The following SLC4A7 variants were observed in gnomAD, a reference collection of about 807,000 sequenced individuals.
SLC4A7 encodes solute carrier family 4 member 7.
Under a neutral mutation model 137.6 loss-of-function variants are expected in SLC4A7, and 51 were observed. The observed-to-expected ratio is 0.37, with a 90% CI of 0.30 to 0.47. The LOEUF (loss-of-function observed/expected upper bound fraction) is 0.47, where lower values mean the gene tolerates loss of function less well. Ranked by LOEUF, SLC4A7 falls within the 20% of genes least tolerant of loss-of-function variation. The probability of loss-of-function intolerance (pLI) is 1.00; values close to 1 mark genes in which losing one functional copy is unlikely to be tolerated. For missense variants in SLC4A7, 1,247 were observed against 1,525.4 expected, an observed-to-expected ratio of 0.82 and a Z score of 3.04; for synonymous variants, 542 against 518.6, an observed-to-expected ratio of 1.05 and a Z score of -0.61.
At chr3:27,446,427 A>T (rs1350763448) in intron 3 of SLC4A7, among the ~76,000 whole-genome samples, 1 of 152,172 alleles carries the variant, frequency 6.6e-6, no homozygotes, top group Non-Finnish European at 1.5e-5. Flanking sequence ...AGGAATAGTT[A>T]TTCCTTTGAA....
intron 1 of SLC4A7, among the ~76,000 whole-genome samples, chr3:27,466,275 C>T (rs1319177907): frequency 6.6e-6 from 1 of 151,170 alleles, no homozygotes; most frequent in Non-Finnish European, 1.5e-5. Context: ...CACGGTGAAA[C>T]CCCGTCTCTA....
chr3:27,457,919 G>C (rs2058496179), intron 1 of SLC4A7, among the ~76,000 whole-genome samples: 1 of 152,074 alleles, frequency 6.6e-6, no homozygotes, highest in South Asian at 2.1e-4. Context: ...TTTTCTTGAA[G>C]TGACAAGTTC....
chr3:27,397,713 G>C lies in SLC4A7; in HGVS notation c.2674C>G (p.Pro892Ala). 6.2e-7 allele frequency: 1 copy of C among 1,602,724 alleles called. No homozygotes were observed. The highest frequency in any genetic ancestry group is 8.5e-7 in the Non-Finnish European group (1 of 1,172,152). Residue 892 changes from proline to alanine, a missense_variant, in exon 18 of 26, where the codon CCT (proline) becomes GCT (alanine). Around this residue, in one of 6 missense-constraint regions of SLC4A7, gnomAD observed 499 missense variants for 664.2 expected, o/e 0.75. Transcript: ENST00000454389. The part of the protein sequence containing the change: ...TIDYLVGVPS[P>A]KLHVPEKFEP... The stretch of plus-strand genomic sequence containing the variant: ...AATTTTTCAGGAACATGAAGTTTAG[G>C]AGATGGAACTCCTACAAGGTAGTCA...
At chr3:27,446,613 T>C (rs1433959599) in intron 3 of SLC4A7, among the ~76,000 whole-genome samples, 1 of 152,160 alleles carries the variant, frequency 6.6e-6, no homozygotes. Flanking sequence ...TTTTACTCAG[T>C]ATGAATTAGA....
intron 5 of SLC4A7, 26 bp downstream of exon 5, chr3:27,436,361 AT>A: frequency 7.6e-6 from 12 of 1,576,762 alleles, no homozygotes; most frequent in Non-Finnish European, 1.0e-5. Context: ...CACCTTACAT[AT>A]TTTTTAAAAG....
chr3:27,401,201 T>C (rs1576219681), intron 15 of SLC4A7, among the ~76,000 whole-genome samples: 1 of 152,184 alleles, frequency 6.6e-6, no homozygotes, highest in African/African-American at 2.4e-5. Flanking sequence ...TCAACCTCCA[T>C]AGCAGTTACT....
intron 24 of SLC4A7, among the ~76,000 whole-genome samples, chr3:27,381,621 T>G (rs1202447383): frequency 2.0e-5 from 3 of 151,620 alleles, no homozygotes; most frequent in African/African-American, 7.3e-5. Context: ...CTAATCAACA[T>G]GTACAAGTCA....
intron 24 of SLC4A7, among the ~76,000 whole-genome samples, chr3:27,382,594 C>T (rs984270324): frequency 6.6e-5 from 10 of 152,176 alleles, no homozygotes; most frequent in Admixed American, 4.6e-4. Context: ...ATGAATTATA[C>T]ATAAAATATT....
At chr3:27,478,037 C>T (rs562746677) in intron 1 of SLC4A7, among the ~76,000 whole-genome samples, 3 of 152,278 alleles carry the variant, frequency 2.0e-5, no homozygotes, top group Non-Finnish European at 2.9e-5. Context: ...AGAGATGATA[C>T]ACAATTCGAC....
rs1409559592 is a variant in SLC4A7 at position 27,375,660 on chromosome 3, CTATT to C, written c.*1100_*1103del. 5.9e-5 allele frequency: 9 copies of C among 152,446 alleles called. No individual in the cohort carries two copies. Among genetic ancestry groups the C allele is most frequent in the East Asian group, 1.9e-4 (1 of 5,194 alleles). 9.4% of individuals were successfully genotyped at this position (152,446 alleles called of 1,614,324 possible). On this transcript the variant is annotated 3_prime_UTR_variant, in exon 26 of 26. Transcript: ENST00000454389. ...CAACTATTTACATTAACAATTTACT[CTATT>C]TGTTACTTTTCCAAATGTTTATATA...
intron 1 of SLC4A7, among the ~76,000 whole-genome samples, chr3:27,459,645 T>C (rs1436716584): frequency 6.6e-6 from 1 of 152,180 alleles, no homozygotes; most frequent in Non-Finnish European, 1.5e-5. Context: ...TACTGTTTTA[T>C]ATATAACTTG....
chr3:27,373,433 A>G lies in SLC4A7; in HGVS notation c.*3331T>C, dbSNP rs192898931. On this transcript the variant is annotated 3_prime_UTR_variant, in exon 26 of 26. Transcript: ENST00000454389. ...TGGAATAAACCAAAAGACATTTCAC[A>G]TATTTGCACTGCATACGATAAAAAT... is the stretch of plus-strand genomic sequence containing the variant. 9.2e-5 allele frequency: 14 copies of G among 152,300 alleles called. No homozygotes were observed. The highest frequency in any genetic ancestry group is 7.2e-4 in the Admixed American group (11 of 15,298). 9.4% of individuals were successfully genotyped at this position (152,300 alleles called of 1,614,324 possible).
intron 12 of SLC4A7, among the ~76,000 whole-genome samples, chr3:27,410,834 G>A (rs1312820292): frequency 1.3e-5 from 2 of 152,066 alleles, no homozygotes; most frequent in African/African-American, 4.8e-5. Flanking sequence ...AATTAATTGT[G>A]AATTTCAGTT....
At chr3:27,390,523 A>T (rs1038282906) in intron 21 of SLC4A7, among the ~76,000 whole-genome samples, 1 of 152,224 alleles carries the variant, frequency 6.6e-6, no homozygotes, top group African/African-American at 2.4e-5. Context: ...TAACAATTAC[A>T]ATTCTTCACT....
intron 10 of SLC4A7, 72 bp downstream of exon 10, chr3:27,420,628 C>T (rs2054871665): frequency 6.6e-6 from 6 of 908,566 alleles, no homozygotes; most frequent in Non-Finnish European, 1.0e-5. Context: ...GAAAAGAGAA[C>T]TGTAATCTAA....
At chr3:27,450,594 A>G (rs2150541639) in intron 2 of SLC4A7, among the ~76,000 whole-genome samples, 1 of 152,264 alleles carries the variant, frequency 6.6e-6, no homozygotes, top group South Asian at 2.1e-4. Flanking sequence ...ATTAGTACTA[A>G]TGGGTCTTGG....
intron 1 of SLC4A7, among the ~76,000 whole-genome samples, chr3:27,480,393 A>G (rs56306915): frequency 0.035 from 5,295 of 152,008 alleles, 108 homozygotes; most frequent in East Asian, 0.065. Context: ...ACCAACACAT[A>G]TGGGTAATTA....
At chr3:27,401,793 G>A (rs2052768032) in intron 15 of SLC4A7, among the ~76,000 whole-genome samples, 2 of 152,286 alleles carry the variant, frequency 1.3e-5, no homozygotes, top group Admixed American at 6.5e-5. Flanking sequence ...AGGAAACACT[G>A]CTCTAACTGG....
At chr3:27,458,029 A>C (rs1287998950) in intron 1 of SLC4A7, among the ~76,000 whole-genome samples, 1 of 152,196 alleles carries the variant, frequency 6.6e-6, no homozygotes, top group African/African-American at 2.4e-5. Flanking sequence ...CCATGAAAAT[A>C]ACAGCTAGTT....
Sources: gnomAD v4.1 joint callset for allele counts (sites outside exome capture counted in the v4.1 genomes callset) on GRCh38, gnomAD v4.1.1 for gene constraint, gnomAD v4.1.1 regional missense constraint, MANE v1.5 for transcripts, NCBI Gene and HGNC (gene_info 2026-07-23, HGNC 2026-07-21) for gene names.